Variants in GTF2IRD1 observed in about 807,000 individuals in gnomAD.
GTF2IRD1 encodes general transcription factor II-I repeat domain-containing protein 1.
GTF2IRD1 carries 26 observed loss-of-function variants against 113.2 expected under a neutral mutation model. The observed-to-expected ratio is 0.23, with a 90% CI of 0.17 to 0.32. GTF2IRD1 has a LOEUF of 0.32. Among genes scored for constraint, GTF2IRD1 ranks in the 10% least tolerant of loss-of-function variants. The pLI, the probability that GTF2IRD1 is intolerant of heterozygous loss-of-function variation, is 1.00. For missense variants in GTF2IRD1, 864 were observed against 1,280.8 expected, an observed-to-expected ratio of 0.67 and a Z score of 4.97; for synonymous variants, 484 against 529.1, an observed-to-expected ratio of 0.91 and a Z score of 1.17.
chr7:74,535,860 C>T (rs1798262792), intron 10 of GTF2IRD1, among the ~76,000 whole-genome samples: 1 of 152,206 alleles, frequency 6.6e-6, no homozygotes, highest in African/African-American at 2.4e-5. Flanking sequence ...GAGGGCTCAG[C>T]CCCCATAGTG....
intron 7 of GTF2IRD1, 105 bp from the exon 8 acceptor site, chr7:74,523,966 C>A: frequency 1.3e-6 from 1 of 754,452 alleles, no homozygotes; most frequent in Non-Finnish European, 2.3e-6. Context: ...GGGCTGGGGC[C>A]GGCCTCGGGG....
At position 74,555,744 on chromosome 7, in the gene GTF2IRD1, G is replaced by T. The variant is rs1386772818; in HGVS notation, c.2023+250G>T. On this transcript the variant is annotated intron_variant, in intron 19 of 26. Coordinates refer to ENST00000424337, the MANE Select transcript of GTF2IRD1 (RefSeq NM_005685.4). This position sits in a 1 kb window ranked among gnomAD's most constrained non-coding sequence, Gnocchi z 5.3. ...CCAGGAGCCTGCCTGCCCCCTCCCT[G>T]CCCCACCCCCCAGAGGTAGCTGACA... Among the ~76,000 whole-genome samples the T allele has an allele frequency of 2.0e-5, 3 of 152,014 alleles. No individual in the cohort carries two copies. The highest frequency in any genetic ancestry group is 1.3e-4 in the Admixed American group (2 of 15,248).
intron 9 of GTF2IRD1, among the ~76,000 whole-genome samples, chr7:74,532,880 C>T (rs1203656544): frequency 6.6e-6 from 1 of 152,210 alleles, no homozygotes; most frequent in Non-Finnish European, 1.5e-5. Context: ...TTTCCTCCTA[C>T]ATTCCCCCTA....
At chr7:74,511,132 A>G (rs1796608407) in intron 2 of GTF2IRD1, among the ~76,000 whole-genome samples, 1 of 151,908 alleles carries the variant, frequency 6.6e-6, no homozygotes, top group Non-Finnish European at 1.5e-5. Flanking sequence ...ATGACCCTAT[A>G]GTTATCCTAG....
At chr7:74,529,667 G>A in intron 8 of GTF2IRD1, 67 bp from the exon 9 acceptor site, 4 of 1,426,236 alleles carry the variant, frequency 2.8e-6, no homozygotes, top group East Asian at 4.7e-5. Context: ...GGGGACCGCA[G>A]CTCCCGGGTC....
intron 23 of GTF2IRD1, among the ~76,000 whole-genome samples, chr7:74,590,569 T>G (rs1320193763): frequency 1.3e-5 from 2 of 151,850 alleles, no homozygotes; most frequent in Non-Finnish European, 2.9e-5. Context: ...TTTTGTATTT[T>G]TTTAGTAGAG....
chr7:74,533,851 G>C (rs1397391858), intron 9 of GTF2IRD1, among the ~76,000 whole-genome samples: 4 of 151,900 alleles, frequency 2.6e-5, no homozygotes, highest in African/African-American at 4.8e-5. Flanking sequence ...AACACAGTAA[G>C]ACCCTGTCTC....
intron 1 of GTF2IRD1, among the ~76,000 whole-genome samples, chr7:74,479,911 T>C (rs1554334296): frequency 6.6e-6 from 1 of 151,970 alleles, no homozygotes; most frequent in African/African-American, 2.4e-5. Flanking sequence ...CATGCCCAGC[T>C]AATTTTTGTA....
chr7:74,540,473 C>T (rs587758505), intron 14 of GTF2IRD1, among the ~76,000 whole-genome samples: 95 of 151,554 alleles, frequency 6.3e-4, no homozygotes, highest in African/African-American at 2.2e-3. Context: ...CAAGGCCCAG[C>T]GTCCTTCCCA....
chr7:74,559,578 C>T (rs782581958), intron 21 of GTF2IRD1, 49 bp from the exon 22 acceptor site: 5 of 1,541,518 alleles, frequency 3.2e-6, no homozygotes, highest in Non-Finnish European at 4.4e-6. Context: ...GTGTCTTCCT[C>T]ATCCCCCAGG....
At chr7:74,537,453 A>T (rs1165433095) in intron 11 of GTF2IRD1, among the ~76,000 whole-genome samples, 2 of 152,124 alleles carry the variant, frequency 1.3e-5, no homozygotes, top group African/African-American at 4.8e-5. Flanking sequence ...ATGTATACAT[A>T]CCTACTACAT....
chr7:74,598,288 T>G (rs587605311), intron 25 of GTF2IRD1, among the ~76,000 whole-genome samples: 64 of 151,870 alleles, frequency 4.2e-4, no homozygotes, highest in African/African-American at 1.5e-3. Context: ...GGAGGCGATT[T>G]GGTTTACTCT....
At chr7:74,598,920 A>AC (rs1342224060) in intron 25 of GTF2IRD1, among the ~76,000 whole-genome samples, 1 of 151,498 alleles carries the variant, frequency 6.6e-6, no homozygotes, top group East Asian at 1.9e-4. Flanking sequence ...CTCACCACAG[A>AC]CCCCCAGTTT....
chr7:74,521,182 C>A (rs941302174), intron 6 of GTF2IRD1, 26 bp from the exon 7 acceptor site: 1 of 1,434,638 alleles, frequency 7.0e-7, no homozygotes, highest in Admixed American at 1.7e-5. Context: ...CCACCTGGAA[C>A]CTTCTTCCTT....
intron 1 of GTF2IRD1, among the ~76,000 whole-genome samples, chr7:74,498,021 G>A (rs558535704): frequency 1.3e-5 from 2 of 151,976 alleles, no homozygotes; most frequent in East Asian, 3.9e-4. Context: ...GTTTTTTATA[G>A]TAGGTATCCT....
intron 20 of GTF2IRD1, among the ~76,000 whole-genome samples, chr7:74,558,206 G>A (rs587691066): frequency 2.7e-5 from 4 of 150,530 alleles, no homozygotes; most frequent in South Asian, 2.1e-4. Flanking sequence ...TTGAGCCTGC[G>A]AGGGGGAGGT....
At chr7:74,596,634 C>A (rs1802433128) in intron 25 of GTF2IRD1, among the ~76,000 whole-genome samples, 1 of 151,854 alleles carries the variant, frequency 6.6e-6, no homozygotes, top group South Asian at 2.1e-4. Flanking sequence ...CAGAGCAAGA[C>A]TCTGTCTCGA....
intron 1 of GTF2IRD1, among the ~76,000 whole-genome samples, chr7:74,466,162 A>G (rs1160222851): frequency 1.3e-5 from 2 of 152,166 alleles, no homozygotes; most frequent in Admixed American, 6.5e-5. Flanking sequence ...TAGCCCCTCA[A>G]GGTCACAGTC....
chr7:74,468,978 G>A (rs1195769551), intron 1 of GTF2IRD1, among the ~76,000 whole-genome samples: 2 of 151,650 alleles, frequency 1.3e-5, no homozygotes, highest in African/African-American at 2.4e-5. Context: ...CCAGCTACTC[G>A]GGAGGCTGAG....
Sources: gnomAD v4.1 joint callset for allele counts (sites outside exome capture counted in the v4.1 genomes callset) on GRCh38, gnomAD v4.1.1 for gene constraint, Gnocchi (gnomAD v3.1) non-coding constraint, MANE v1.5 for transcripts, NCBI Gene and HGNC (gene_info 2026-07-23, HGNC 2026-07-21) for gene names.